Variants in DNAH5 observed in about 807,000 individuals in gnomAD.
The protein encoded by DNAH5 is axonemal beta dynein heavy chain 5.
Under a neutral mutation model 518.2 loss-of-function variants are expected in DNAH5, and 372 were observed. That is an observed-to-expected ratio of 0.72 (90% CI 0.66 to 0.78). The LOEUF is 0.78. DNAH5 is among the 30% of genes least tolerant of loss of function. The pLI is 0.00. For synonymous variants in DNAH5, 2,039 were observed against 2,025.9 expected, an observed-to-expected ratio of 1.01 and a Z score of -0.17; for missense variants, 5,523 against 5,687.0, an observed-to-expected ratio of 0.97 and a Z score of 0.93.
At chr5:13,713,274 CATAT>C (rs554173274) in intron 75 of DNAH5, among the ~76,000 whole-genome samples, 112 of 143,140 alleles carry the variant, frequency 7.8e-4, no homozygotes, top group African/African-American at 2.8e-3. Flanking sequence ...TATATACCGA[CATAT>C]ATATACCAAC....
chr5:13,767,377 G>A (rs142414612), intron 58 of DNAH5, among the ~76,000 whole-genome samples: 12 of 152,230 alleles, frequency 7.9e-5, no homozygotes, highest in Admixed American at 3.9e-4. Flanking sequence ...TGCCCACCTC[G>A]GCCTCCCAAA....
upstream of DNAH5, among the ~76,000 whole-genome samples, chr5:13,945,641 T>A (rs781011323): frequency 6.6e-6 from 1 of 152,156 alleles, no homozygotes; most frequent in Non-Finnish European, 1.5e-5. Context: ...GGTCTCACTC[T>A]GTCACACAGG....
intron 65 of DNAH5, among the ~76,000 whole-genome samples, chr5:13,742,352 G>C (rs1238923646): frequency 6.9e-6 from 1 of 144,860 alleles, no homozygotes; most frequent in Admixed American, 7.0e-5. Flanking sequence ...GAATTTACTT[G>C]TCATTCATGG....
At chr5:13,728,444 G>A (rs1746050538) in intron 69 of DNAH5, among the ~76,000 whole-genome samples, 1 of 152,132 alleles carries the variant, frequency 6.6e-6, no homozygotes, top group South Asian at 2.1e-4. Context: ...TACCATGTAA[G>A]AATAAAAATA....
At chr5:13,907,518 T>C (rs1466066786) in intron 12 of DNAH5, among the ~76,000 whole-genome samples, 1 of 152,100 alleles carries the variant, frequency 6.6e-6, no homozygotes, top group East Asian at 1.9e-4. Context: ...TCTAAAAGCA[T>C]TAAAGGTGAA....
chr5:13,854,038 C>T (rs1260173719), intron 30 of DNAH5, among the ~76,000 whole-genome samples: 1 of 152,140 alleles, frequency 6.6e-6, no homozygotes, highest in Non-Finnish European at 1.5e-5. Flanking sequence ...TGAAGATTCT[C>T]CTCAAGAAGA....
At chr5:13,947,623 G>A (rs957427107), upstream of DNAH5, among the ~76,000 whole-genome samples, 8 of 152,144 alleles carry the variant, frequency 5.3e-5, no homozygotes, top group African/African-American at 9.7e-5. Flanking sequence ...CATTTCAGTC[G>A]AGAGCTGGTT....
chr5:13,753,639 A>G (rs1415575170), intron 62 of DNAH5, 90 bp from the exon 63 acceptor site: 2 of 1,197,872 alleles, frequency 1.7e-6, no homozygotes, highest in East Asian at 2.5e-5. Context: ...TAAAAAGACA[A>G]TAATTCTTTT....
At chr5:13,954,014 TG>T (rs1383351158) in intron 1 of DNAH5, among the ~76,000 whole-genome samples, 1 of 152,176 alleles carries the variant, frequency 6.6e-6, no homozygotes, top group Non-Finnish European at 1.5e-5. Context: ...GGCCAGTTCC[TG>T]TTTTAATAGA....
chr5:13,698,403 C>G, intron 78 of DNAH5, among the ~76,000 whole-genome samples: 1 of 152,204 alleles, frequency 6.6e-6, no homozygotes, highest in South Asian at 2.1e-4. Flanking sequence ...ATTGAATTAA[C>G]AAACGCCAAG....
chr5:13,870,035 A>G (rs1451811076), intron 24 of DNAH5, among the ~76,000 whole-genome samples: 1 of 152,076 alleles, frequency 6.6e-6, no homozygotes, highest in African/African-American at 2.4e-5. Context: ...ATAAAAGCAG[A>G]CTTCACTGCA....
At chr5:13,919,735 A>G (rs1173102358) in intron 6 of DNAH5, among the ~76,000 whole-genome samples, 1 of 152,170 alleles carries the variant, frequency 6.6e-6, no homozygotes, top group African/African-American at 2.4e-5. Context: ...TATTTGGGGT[A>G]TCATCACCTT....
At chr5:13,819,167 A>G (rs946873091) in intron 41 of DNAH5, among the ~76,000 whole-genome samples, 1 of 152,220 alleles carries the variant, frequency 6.6e-6, no homozygotes, top group East Asian at 1.9e-4. Flanking sequence ...TGCAACAAAA[A>G]TATTATTGAG....
chr5:13,979,384 A>C (rs907655936), intron 1 of DNAH5, among the ~76,000 whole-genome samples: 2 of 152,112 alleles, frequency 1.3e-5, no homozygotes, highest in Non-Finnish European at 2.9e-5. Context: ...GTTTAATGTT[A>C]TTGTCATCAC....
intron 75 of DNAH5, 52 bp downstream of exon 75, chr5:13,714,353 A>C: frequency 6.4e-7 from 1 of 1,574,276 alleles, no homozygotes; most frequent in African/African-American, 1.3e-5. Flanking sequence ...CACTCTCCCA[A>C]CCGAAGATAT....
intron 38 of DNAH5, among the ~76,000 whole-genome samples, chr5:13,828,207 T>C (rs745659873): frequency 3.9e-5 from 6 of 152,134 alleles, no homozygotes; most frequent in Non-Finnish European, 8.8e-5. Flanking sequence ...TGAACACTCA[T>C]AGGAAAAGAA....
intron 12 of DNAH5, among the ~76,000 whole-genome samples, chr5:13,906,438 T>A (rs11750081): frequency 0.35 from 53,596 of 151,972 alleles, 10,478 homozygotes; most frequent in East Asian, 0.76. Flanking sequence ...AAGTCATTTT[T>A]AAAAAATATT....
intron 3 of DNAH5, among the ~76,000 whole-genome samples, chr5:13,927,110 G>T (rs13152958): frequency 6.6e-6 from 1 of 151,912 alleles, no homozygotes; most frequent in African/African-American, 2.4e-5. Flanking sequence ...CATTTAATCA[G>T]ATATTGACTT....
At chr5:13,875,572 A>G (rs1397529421) in intron 22 of DNAH5, among the ~76,000 whole-genome samples, 1 of 151,584 alleles carries the variant, frequency 6.6e-6, no homozygotes, top group East Asian at 1.9e-4. Flanking sequence ...GGTTGATCAT[A>G]CTAGAGAAAC....
Sources: allele counts gnomAD v4.1 joint callset (sites outside exome capture counted in the v4.1 genomes callset), GRCh38; gene constraint gnomAD v4.1.1; transcripts MANE v1.5; gene names NCBI Gene and HGNC (gene_info 2026-07-23, HGNC 2026-07-21).